The following HEATR4 variants were observed in gnomAD, a reference collection of about 807,000 sequenced individuals.
HEATR4 encodes HEAT repeat containing 4, also known as HEAT repeat-containing protein 4.
In HEATR4, 95 loss-of-function variants were observed where a neutral mutation model predicts 108.8. That is an observed-to-expected ratio of 0.87 (90% CI 0.74 to 1.04). The LOEUF is 1.04. Among genes scored for constraint, HEATR4 ranks in the 50% least tolerant of loss-of-function variants. HEATR4 has a pLI of 0.00. For synonymous variants in HEATR4, 443 were observed against 459.4 expected (o/e 0.96, Z 0.46); for missense variants, 1,152 against 1,253.8 (o/e 0.92, Z 1.23).
At chr14:73,536,512 T>G (rs1452880003) in intron 1 of HEATR4, among the ~76,000 whole-genome samples, 1 of 72,436 alleles carries the variant, frequency 1.4e-5, no homozygotes, top group African/African-American at 4.9e-5. Context: ...AGACCCTGTC[T>G]CTTTAAAAAA....
At chr14:73,586,789 G>A in the HEATR4 span, among the ~76,000 whole-genome samples, 1 of 151,318 alleles carries the variant, frequency 6.6e-6, no homozygotes, top group Non-Finnish European at 1.5e-5. Flanking sequence ...TAGCTCAACT[G>A]CAGCCTCAAA....
In HEATR4 at chr14:73,519,755, C is replaced by T. The variant is rs572173516; in HGVS notation, c.1070-592G>A. The stretch of plus-strand genomic sequence containing the variant: ...AGAACCGGCTGGGCACCATGGCTCA[C>T]GCCTGTAATCCCAGCACTTTGGGAG... On this transcript the variant is annotated intron_variant, in intron 4 of 17. Coordinates refer to ENST00000553558, the MANE Select transcript of HEATR4 (RefSeq NM_001220484.1). 2.8e-4 allele frequency among the ~76,000 whole-genome samples: 43 copies of T among 152,256 alleles called. 1 individual carries two copies. The highest frequency in any genetic ancestry group is 1.5e-3 in the Admixed American group (23 of 15,280).
chr14:73,600,466 T>A, the HEATR4 span, among the ~76,000 whole-genome samples: 1 of 151,752 alleles, frequency 6.6e-6, no homozygotes, highest in Non-Finnish European at 1.5e-5. Flanking sequence ...TCTTTTTTTT[T>A]CCAAGACGGA....
chr14:73,537,981 TTG>T lies in HEATR4; in HGVS notation c.-151-7739_-151-7738del, dbSNP rs1382898760. 2.7e-5 allele frequency: 26 copies of T among 967,396 alleles called. 6 individuals carry two copies. Among genetic ancestry groups the T allele is most frequent in the Non-Finnish European group, 3.5e-5 (26 of 752,402 alleles). The allele number at this position is 967,396 out of a possible 1,614,324, so 59.9% of individuals were successfully genotyped here. A position where few individuals can be genotyped will look rare whatever the true frequency, so the allele number is the denominator to read the frequency against. ...CTTCGCCCCGCCCCGCTCTTTTCGCTTGTGTGTGTGTCCCTCCTCCCGCCCCA... is the reference window on the plus strand; with the variant it reads ...CTTCGCCCCGCCCCGCTCTTTTCGCTTGTGTGTGTCCCTCCTCCCGCCCCA... On this transcript the variant is annotated intron_variant, in intron 1 of 17. Coordinates refer to ENST00000553558, the MANE Select transcript of HEATR4 (RefSeq NM_001220484.1).
intron 1 of HEATR4, among the ~76,000 whole-genome samples, chr14:73,536,516 T>TAA (rs543491523): frequency 0.035 from 2,087 of 59,282 alleles, 229 homozygotes; most frequent in African/African-American, 0.11. Context: ...CCTGTCTCTT[T>TAA]AAAAAAAAAA....
the HEATR4 span, among the ~76,000 whole-genome samples, chr14:73,589,361 C>T: frequency 1.3e-5 from 2 of 151,936 alleles, no homozygotes; most frequent in African/African-American, 2.4e-5. Context: ...GCTCTGTCAC[C>T]GATGCTGTAG....
chr14:73,531,222 T>C lies in HEATR4; in HGVS notation c.-151-978A>G, dbSNP rs1438847795. On this transcript the variant is annotated intron_variant, in intron 1 of 17. Coordinates refer to ENST00000553558, the MANE Select transcript of HEATR4 (RefSeq NM_001220484.1). The stretch of plus-strand genomic sequence containing the variant: ...TGCATCTTAAACCTTCCTTGGTTTC[T>C]TAGGTTCCAAAGCTGTTTCTATCAG... 1.8e-5 allele frequency: 2 copies of C among 112,916 alleles called. 1 individual carries two copies. Among genetic ancestry groups the C allele is most frequent in the Admixed American group, 2.0e-4 (2 of 9,774 alleles). 7.0% of individuals were successfully genotyped at this position (112,916 alleles called of 1,614,324 possible).
the HEATR4 span, among the ~76,000 whole-genome samples, chr14:73,604,626 C>T: frequency 6.6e-6 from 1 of 152,182 alleles, no homozygotes. Context: ...GCTGGGACTA[C>T]AGGCATGCGC....
chr14:73,506,486 A>T lies in HEATR4; in HGVS notation c.1967T>A (p.Ile656Asn), dbSNP rs372430555. 5.2e-5 allele frequency: 84 copies of T among 1,613,538 alleles called. No individual in the cohort carries two copies. The highest frequency in any genetic ancestry group is 6.9e-5 in the Non-Finnish European group (82 of 1,179,902). Residue 656 changes from isoleucine (I) to asparagine (N), a missense_variant, in exon 10 of 18, where the codon ATC (isoleucine) becomes AAC (asparagine). Coordinates refer to ENST00000553558, the MANE Select transcript of HEATR4 (RefSeq NM_001220484.1). ...GTTTACCAAGCAGACATTTCCACTG[A>T]TCCGGGAGAAAGCCTGGCAGGCCAC... is the stretch of plus-strand genomic sequence containing the variant. ...RIVACQAFSR[I>N]SGNVCLDMKH... is the part of the protein sequence containing the mutation.
rs1012267443 is a variant in HEATR4, at chr14:73,508,154, T to G, written c.1861A>C (p.Ser621Arg). Residue 621 changes from serine to arginine, a missense_variant, in exon 9 of 18, where the codon AGC (serine) becomes CGC (arginine). By Grantham distance (110) the Ser-to-Arg change is moderately radical (BLOSUM62 -1). Transcript: ENST00000553558. ...CATACTGTCTTCTCACTCAGATAGC[T>G]CAGGAGGATATAAGACTGTTCCTCA... is the stretch of plus-strand genomic sequence containing the variant. ...DTEEQSYILL[S>R]YLSEKTTLIH... The G allele has an allele frequency of 3.7e-6, 6 of 1,614,160 alleles. No homozygotes were observed. The highest frequency in any genetic ancestry group is 5.1e-6 in the Non-Finnish European group (6 of 1,180,004).
chr14:73,506,503 GC>G lies in HEATR4; in HGVS notation c.1949del (p.Cys650SerfsTer15). 1 of 1,613,698 alleles carries G rather than the reference GC, an allele frequency of 6.2e-7. No homozygotes were observed. The highest frequency in any genetic ancestry group is 1.3e-5 in the African/African-American group (1 of 75,044). Reference sequence around the variant, plus strand: ...TTCCACTGATCCGGGAGAAAGCCTGGCAGGCCACAATCCGGTTCTTCCATTG... The same window carrying G: ...TTCCACTGATCCGGGAGAAAGCCTGGAGGCCACAATCCGGTTCTTCCATTG... ...SCQWKNRIVA[C>X]QAFSRISGNV... is the part of the protein sequence containing the mutation. On this transcript the variant is annotated frameshift_variant, in exon 10 of 18. Transcript: ENST00000553558. LOFTEE classifies it high-confidence loss of function.
chr14:73,493,211 C>G, intron 16 of HEATR4, 87 bp from the exon 17 acceptor site: 2 of 1,076,804 alleles, frequency 1.9e-6, no homozygotes, highest in South Asian at 2.6e-5. Flanking sequence ...TCATCACCTT[C>G]AGGCTTCAGT....
intron 1 of HEATR4, among the ~76,000 whole-genome samples, chr14:73,552,476 C>G (rs1172266824): frequency 2.2e-5 from 2 of 89,780 alleles, no homozygotes; most frequent in African/African-American, 8.7e-5. Flanking sequence ...CATCATAAAC[C>G]CACCCTGGCC....
the HEATR4 span, among the ~76,000 whole-genome samples, chr14:73,629,683 T>C: frequency 2.4e-4 from 37 of 152,036 alleles, no homozygotes; most frequent in East Asian, 9.7e-4. Context: ...CTCACTCTGT[T>C]GCCCAGGCTG....
At chr14:73,569,468 C>A in the HEATR4 span, 1 of 1,613,366 alleles carries the variant, frequency 6.2e-7, no homozygotes, top group Non-Finnish European at 8.5e-7. Context: ...GCCGCTGCTG[C>A]TGGGACGAAC....
At chr14:73,612,759 AGC>A in the HEATR4 span, 1 of 1,371,092 alleles carries the variant, frequency 7.3e-7, no homozygotes, top group Non-Finnish European at 9.3e-7. Flanking sequence ...CTGGACCTGG[AGC>A]GCGCGCCCGC....
the HEATR4 span, among the ~76,000 whole-genome samples, chr14:73,614,026 C>CA: frequency 0.019 from 1,740 of 92,894 alleles, 59 homozygotes; most frequent in Middle Eastern, 0.024. Flanking sequence ...TCTGTCTCTA[C>CA]AAAAAAAAAA....
At position 73,556,954 on chromosome 14, in the gene HEATR4, T is replaced by A. The variant is rs1889406954; in HGVS notation, c.-152+1797A>T. Among the ~76,000 whole-genome samples the A allele has an allele frequency of 2.7e-5, 3 of 112,874 alleles. 1 individual carries two copies. The South Asian group carries it at 8.4e-4, about 32-fold the overall frequency. 74.0% of individuals were successfully genotyped at this position (112,874 alleles called of 152,430 possible). Reference sequence around the variant, plus strand: ...AGAGAAGAAAGAAAGGACTTATTAATGGAGTTTGGAGGCTCCTTATTATCG... The same window carrying A: ...AGAGAAGAAAGAAAGGACTTATTAAAGGAGTTTGGAGGCTCCTTATTATCG... On this transcript the variant is annotated intron_variant, in intron 1 of 17. Transcript: ENST00000553558.
chr14:73,619,942 C>A, the HEATR4 span: 1 of 1,240,806 alleles, frequency 8.1e-7, no homozygotes, highest in Non-Finnish European at 1.1e-6. Flanking sequence ...TTTCCTGTAT[C>A]ACTCTGTCAC....
Sources: allele counts gnomAD v4.1 joint callset (sites outside exome capture counted in the v4.1 genomes callset), GRCh38; gene constraint gnomAD v4.1.1; transcripts MANE v1.5; gene names NCBI Gene and HGNC (gene_info 2026-07-23, HGNC 2026-07-21).